DHRS12: variants seen among roughly 807,000 people sequenced by gnomAD.
DHRS12 encodes dehydrogenase/reductase 12, also known as dehydrogenase/reductase SDR family member 12.
DHRS12 carries 29 observed loss-of-function variants against 32.1 expected under a neutral mutation model. The observed-to-expected ratio is 0.90, with a 90% CI of 0.67 to 1.23. DHRS12 has a LOEUF of 1.23. Among genes scored for constraint, DHRS12 ranks in the 50% most tolerant of loss-of-function variants. The pLI, the probability that DHRS12 is intolerant of heterozygous loss-of-function variation, is 0.00. For missense variants in DHRS12, 330 were observed against 337.2 expected, an observed-to-expected ratio of 0.98 and a Z score of 0.17; for synonymous variants, 150 against 135.9, an observed-to-expected ratio of 1.10 and a Z score of -0.72.
chr13:51,788,538 G>A (rs778990102), intron 4 of DHRS12, among the ~76,000 whole-genome samples: 1 of 152,034 alleles, frequency 6.6e-6, no homozygotes, highest in Non-Finnish European at 1.5e-5. Flanking sequence ...CCAGGGAGAT[G>A]GAGCACGTTT....
intron 7 of DHRS12, 146 bp downstream of exon 7, chr13:51,771,675 G>A (rs926732556): frequency 1.5e-5 from 20 of 1,325,820 alleles, no homozygotes; most frequent in Non-Finnish European, 2.0e-5. Context: ...CAGTCCCAAC[G>A]CGCCCCTGCC....
the DHRS12 span, chr13:51,758,434 C>T: frequency 2.0e-6 from 1 of 509,736 alleles, no homozygotes; most frequent in Non-Finnish European, 3.5e-6. Flanking sequence ...GTCTGTAGTC[C>T]CAGCTACTCA....
downstream of DHRS12, chr13:51,765,484 T>A (rs1953718074): frequency 6.6e-6 from 1 of 152,152 alleles, no homozygotes; most frequent in Non-Finnish European, 1.5e-5. Context: ...TTGCCAGAGA[T>A]GTTGAAAGGG....
chr13:51,763,237 CAG>C (rs1296086236), downstream of DHRS12: 2 of 152,172 alleles, frequency 1.3e-5, no homozygotes, highest in African/African-American at 4.8e-5. Flanking sequence ...CACCTTGAGA[CAG>C]GGCGCTCTCT....
the DHRS12 span, chr13:51,762,478 G>A: frequency 6.6e-6 from 1 of 152,226 alleles, no homozygotes; most frequent in Admixed American, 6.5e-5. Flanking sequence ...ATCTGTGTGG[G>A]TGCTTGAATT....
the DHRS12 span, among the ~76,000 whole-genome samples, chr13:51,755,695 G>A: frequency 0.28 from 41,877 of 152,028 alleles, 5,932 homozygotes; most frequent in South Asian, 0.36. Context: ...TTAGAATTCT[G>A]TTGGCCTCTA....
At chr13:51,800,116 G>A (rs946933023) in intron 1 of DHRS12, among the ~76,000 whole-genome samples, 12 of 152,162 alleles carry the variant, frequency 7.9e-5, no homozygotes, top group African/African-American at 2.9e-4. Flanking sequence ...GGGAATAAAG[G>A]AGGAGGATGG....
rs940423476 is a variant in DHRS12, at chr13:51,782,472, T to C, written c.302-5351A>G. On this transcript the variant is annotated intron_variant, in intron 4 of 8. Transcript: ENST00000444610. The surrounding 1 kb of genome is among the most constrained non-coding windows in gnomAD (Gnocchi z 4.2). ...GGACAGCTGTGCCCAGTGCTGCCCA[T>C]GGATGTGGTAGAGGTGCGCTCTCCA... is the stretch of plus-strand genomic sequence containing the variant. Among the ~76,000 whole-genome samples, 21 of 152,170 alleles carry C rather than the reference T, an allele frequency of 1.4e-4. No homozygotes were observed. The highest frequency in any genetic ancestry group is 9.8e-4 in the Admixed American group (15 of 15,284).
Position 51,769,180 on chromosome 13 carries a change from G to C in DHRS12, c.673C>G (p.Gln225Glu), listed in dbSNP as rs984110717. 6.4e-7 allele frequency: 1 copy of C among 1,554,138 alleles called. No homozygotes were observed. The highest frequency in any genetic ancestry group is 8.7e-7 in the Non-Finnish European group (1 of 1,149,886). Residue 225 changes from glutamine to glutamate, a missense_variant, in exon 8 of 9, where the codon CAG becomes GAG. Coordinates refer to ENST00000444610, the MANE Select transcript of DHRS12 (RefSeq NM_001377533.1). ...WLALSSAAAA[Q>E]PSGRFFQDRK... ...CCTTGAAAGAAGCGGCCGCTGGGCT[G>C]TGCGGCTGCGGCAGAGGAGAGGGCC...
intron 3 of DHRS12, among the ~76,000 whole-genome samples, chr13:51,790,645 C>G (rs1955223577): frequency 6.6e-6 from 1 of 152,128 alleles, no homozygotes; most frequent in Admixed American, 6.5e-5. Flanking sequence ...ATTCCAGACT[C>G]TGGAACAACG....
At chr13:51,794,583 G>GA (rs1198032220) in intron 2 of DHRS12, among the ~76,000 whole-genome samples, 1 of 152,156 alleles carries the variant, frequency 6.6e-6, no homozygotes, top group Non-Finnish European at 1.5e-5. Flanking sequence ...TGCTTTCACA[G>GA]AACCTTCCAG....
chr13:51,801,446 C>A (rs1439015462), intron 1 of DHRS12, among the ~76,000 whole-genome samples: 1 of 152,138 alleles, frequency 6.6e-6, no homozygotes, highest in African/African-American at 2.4e-5. Flanking sequence ...CCTTGGCTTC[C>A]CAAAATGCTG....
intron 4 of DHRS12, among the ~76,000 whole-genome samples, chr13:51,786,642 T>C (rs1387720674): frequency 6.6e-6 from 1 of 152,182 alleles, no homozygotes; most frequent in South Asian, 2.1e-4. Context: ...TTCCAAACTA[T>C]CTAATTCATA....
intron 4 of DHRS12, among the ~76,000 whole-genome samples, chr13:51,780,264 T>C (rs1045597681): frequency 6.6e-6 from 1 of 152,156 alleles, no homozygotes; most frequent in African/African-American, 2.4e-5. Context: ...AATGGGTGCT[T>C]TTAGTCATTC....
chr13:51,781,148 T>C (rs935095017), intron 4 of DHRS12, among the ~76,000 whole-genome samples: 1 of 152,242 alleles, frequency 6.6e-6, no homozygotes, highest in Non-Finnish European at 1.5e-5. Context: ...GCTCACACAC[T>C]AATCTCACAC....
intron 2 of DHRS12, among the ~76,000 whole-genome samples, chr13:51,792,075 T>G (rs1955299968): frequency 6.6e-6 from 1 of 152,212 alleles, no homozygotes. Context: ...TGCTAATGGC[T>G]CTTCAGGATC....
intron 5 of DHRS12, chr13:51,774,331 CTACAG>C (rs1244358758): frequency 9.6e-6 from 1 of 104,628 alleles, no homozygotes; most frequent in Non-Finnish European, 1.8e-5. Flanking sequence ...ATGTATTCTC[CTACAG>C]TATTCTCCTA....
chr13:51,804,109 T>G lies in DHRS12; in HGVS notation c.-64A>C. 2.0e-6 allele frequency: 3 copies of G among 1,489,818 alleles called. No homozygotes were observed. The highest frequency in any genetic ancestry group is 2.7e-6 in the Non-Finnish European group (3 of 1,125,932). 92.3% of individuals were successfully genotyped at this position (1,489,818 alleles called of 1,614,324 possible). A position where few individuals can be genotyped will look rare whatever the true frequency, so the allele number is the denominator to read the frequency against. On this transcript the variant is annotated 5_prime_UTR_variant, in exon 1 of 9. It removes an upstream start codon present in the reference 5' UTR. Transcript: ENST00000444610. Reference sequence around the variant, plus strand: ...CACACGACGCTGCGGTACAGGGACATGCCGGGAGCGCCCCACGCCTAGCCC... The same window carrying G: ...CACACGACGCTGCGGTACAGGGACAGGCCGGGAGCGCCCCACGCCTAGCCC...
chr13:51,772,149 C>G (rs1356257890), intron 6 of DHRS12, among the ~76,000 whole-genome samples: 1 of 152,156 alleles, frequency 6.6e-6, no homozygotes, highest in African/African-American at 2.4e-5. Flanking sequence ...CAGCAAAACA[C>G]TGAGAGAGAA....
Sources: gnomAD v4.1 joint callset for allele counts (sites outside exome capture counted in the v4.1 genomes callset) on GRCh38, gnomAD v4.1.1 for gene constraint, Gnocchi (gnomAD v3.1) non-coding constraint, MANE v1.5 for transcripts, NCBI Gene and HGNC (gene_info 2026-07-23, HGNC 2026-07-21) for gene names.